The following NTM variants were observed in gnomAD, a reference collection of about 807,000 sequenced individuals.
NTM encodes the protein IgLON family member 2.
NTM carries 13 observed loss-of-function variants against 42.1 expected under a neutral mutation model. The ratio of observed to expected loss-of-function variants is 0.31; its 90% CI spans 0.20 to 0.49. The LOEUF (loss-of-function observed/expected upper bound fraction) is 0.49. Ranked by LOEUF, NTM falls within the 20% of genes least tolerant of loss-of-function variation. The probability of loss-of-function intolerance (pLI) is 0.99; values close to 1 mark genes in which losing one functional copy is unlikely to be tolerated. For synonymous variants in NTM, 187 were observed against 179.2 expected (o/e 1.04, Z -0.35); for missense variants, 373 against 452.8 (o/e 0.82, Z 1.60).
intron 4 of NTM, among the ~76,000 whole-genome samples, chr11:132,220,888 G>C (rs1244821245): frequency 6.6e-6 from 1 of 152,156 alleles, no homozygotes; most frequent in Non-Finnish European, 1.5e-5. Flanking sequence ...CCCCTACAGG[G>C]CAGGAGACCC....
chr11:132,171,860 C>A (rs1645064678), intron 3 of NTM, among the ~76,000 whole-genome samples: 1 of 152,230 alleles, frequency 6.6e-6, no homozygotes, highest in Non-Finnish European at 1.5e-5. Context: ...CTGCTACTCT[C>A]TGCCCCTCTC....
chr11:132,241,904 G>A (rs995279232), intron 4 of NTM, among the ~76,000 whole-genome samples: 31 of 152,332 alleles, frequency 2.0e-4, no homozygotes, highest in African/African-American at 7.2e-4. Context: ...GGAGGAAAAT[G>A]TAAACTAGCC....
intron 2 of NTM, among the ~76,000 whole-genome samples, chr11:132,019,536 T>C (rs1036716073): frequency 2.0e-5 from 3 of 152,068 alleles, no homozygotes; most frequent in African/African-American, 7.2e-5. Context: ...CCTCCTGATA[T>C]ATGAACTCTT....
rs1315323585 is a variant in NTM at position 131,657,379 on chromosome 11, C to T, written c.83-254185C>T. ...GAAAAACAAGTCAAGCTTTCCCTGG[C>T]GTGGAAGAATAAAGGGCAGAGGGTG... is the stretch of plus-strand genomic sequence containing the variant. On this transcript the variant is annotated intron_variant, in intron 1 of 8. Transcript: ENST00000683400. 3.3e-5 allele frequency among the ~76,000 whole-genome samples: 5 copies of T among 152,258 alleles called. No individual in the cohort carries two copies. The South Asian group carries it at 6.2e-4, about 19-fold the overall frequency.
chr11:131,703,486 C>G (rs771160120), intron 1 of NTM, among the ~76,000 whole-genome samples: 3 of 152,160 alleles, frequency 2.0e-5, no homozygotes, highest in Non-Finnish European at 4.4e-5. Context: ...ATGAATTTGG[C>G]TGCATTAAGA....
intron 1 of NTM, among the ~76,000 whole-genome samples, chr11:131,814,738 C>T (rs144317179): frequency 0.019 from 2,950 of 152,230 alleles, 89 homozygotes; most frequent in African/African-American, 0.067. Context: ...ACTGTCCTGC[C>T]GGGCTACGTC....
chr11:132,035,528 C>T (rs755332803), intron 2 of NTM, among the ~76,000 whole-genome samples: 37 of 152,140 alleles, frequency 2.4e-4, no homozygotes, highest in African/African-American at 8.9e-4. Context: ...ATATTCTTCC[C>T]AGTATTAAAA....
intron 3 of NTM, among the ~76,000 whole-genome samples, chr11:132,156,531 G>A (rs376846147): frequency 6.6e-6 from 1 of 152,198 alleles, no homozygotes; most frequent in Non-Finnish European, 1.5e-5. Flanking sequence ...TGTGTGATTG[G>A]TTGATTATGT....
In NTM at chr11:132,248,346, A is replaced by G. The variant is rs868067826; in HGVS notation, c.526+36199A>G. On this transcript the variant is annotated intron_variant, in intron 4 of 8. Coordinates refer to ENST00000683400, the MANE Select transcript of NTM (RefSeq NM_001352005.2). Reference sequence around the variant, plus strand: ...GTCTTCCTCTCTCTCTTTTATTTTTATCCTCCTACACTATAATTTAAAACT... The same window carrying G: ...GTCTTCCTCTCTCTCTTTTATTTTTGTCCTCCTACACTATAATTTAAAACT... Among the ~76,000 whole-genome samples the G allele has an allele frequency of 2.7e-5, 4 of 150,832 alleles. No individual in the cohort carries two copies. The South Asian group carries it at 8.4e-4, about 32-fold the overall frequency.
intron 2 of NTM, among the ~76,000 whole-genome samples, chr11:131,989,716 T>TCC: frequency 9.8e-6 from 1 of 101,748 alleles, no homozygotes. Flanking sequence ...TTTAGATACA[T>TCC]GCACACACAC....
chr11:131,514,128 A>G (rs994060839), intron 1 of NTM, among the ~76,000 whole-genome samples: 9 of 152,210 alleles, frequency 5.9e-5, no homozygotes, highest in African/African-American at 2.2e-4. Context: ...TGCCTCTCAC[A>G]TAAACACTTT....
chr11:132,064,739 C>T (rs1376497840), intron 2 of NTM, among the ~76,000 whole-genome samples: 1 of 152,138 alleles, frequency 6.6e-6, no homozygotes, highest in African/African-American at 2.4e-5. Flanking sequence ...TGGTTCCAGT[C>T]CATTTAATTG....
intron 1 of NTM, among the ~76,000 whole-genome samples, chr11:131,411,923 C>A (rs113845559): frequency 2.0e-5 from 3 of 152,160 alleles, no homozygotes; most frequent in Non-Finnish European, 4.4e-5. Context: ...GTGAAAAGAG[C>A]TGTTGCAAAA....
At chr11:131,688,682 G>A (rs2074256477) in intron 1 of NTM, among the ~76,000 whole-genome samples, 1 of 152,230 alleles carries the variant, frequency 6.6e-6, no homozygotes, top group Non-Finnish European at 1.5e-5. Context: ...AGTTCATGCT[G>A]TGGGTTGAGC....
At position 131,874,029 on chromosome 11, in the gene NTM, TAATATATATATA is replaced by T. The variant is rs1464220162; in HGVS notation, c.83-37534_83-37523del. On this transcript the variant is annotated intron_variant, in intron 1 of 8. Transcript: ENST00000683400. ...TATAATATATTTATATAATATAATA[TAATATATATATA>T]TATATATATATATATATATATATAT... Among the ~76,000 whole-genome samples, 22 of 50,952 alleles carry T rather than the reference TAATATATATATA, an allele frequency of 4.3e-4. 1 individual carries two copies. In the South Asian group the frequency reaches 9.7e-3, roughly 22 times the overall value. The allele number at this position is 50,952 out of a possible 152,430, so 33.4% of individuals were successfully genotyped here.
chr11:131,572,658 G>A (rs949528960), intron 1 of NTM, among the ~76,000 whole-genome samples: 3 of 152,124 alleles, frequency 2.0e-5, no homozygotes, highest in Non-Finnish European at 4.4e-5. Flanking sequence ...CAAACAACGC[G>A]AGCAGCTCAG....
At chr11:132,025,365 G>A (rs2075028053) in intron 2 of NTM, among the ~76,000 whole-genome samples, 1 of 152,204 alleles carries the variant, frequency 6.6e-6, no homozygotes, top group Admixed American at 6.5e-5. Context: ...TGGGCTTGAA[G>A]GGATCTTTGG....
At chr11:131,830,806 G>A (rs1836842) in intron 1 of NTM, among the ~76,000 whole-genome samples, 6,926 of 152,224 alleles carry the variant, frequency 0.045, 538 homozygotes, top group African/African-American at 0.16. Flanking sequence ...TGTGAGCATG[G>A]ACTGTTTTTT....
intron 1 of NTM, among the ~76,000 whole-genome samples, chr11:131,907,746 G>T (rs1013110063): frequency 2.0e-5 from 3 of 152,110 alleles, no homozygotes; most frequent in African/African-American, 7.2e-5. Context: ...TAATGAAATT[G>T]CTTTGAATGT....
Sources: gnomAD v4.1 joint callset for allele counts (sites outside exome capture counted in the v4.1 genomes callset) on GRCh38, gnomAD v4.1.1 for gene constraint, MANE v1.5 for transcripts, NCBI Gene and HGNC (gene_info 2026-07-23, HGNC 2026-07-21) for gene names.